AKT3: variants seen among roughly 807,000 people sequenced by gnomAD.
AKT3 encodes AKT serine/threonine kinase 3.
AKT3 carries 15 observed loss-of-function variants against 65.3 expected under a neutral mutation model. The observed-to-expected ratio is 0.23, with a 90% CI of 0.15 to 0.35. The LOEUF (loss-of-function observed/expected upper bound fraction) is 0.35. Ranked by LOEUF, AKT3 falls within the 10% of genes least tolerant of loss-of-function variation. The pLI, the probability that AKT3 is intolerant of heterozygous loss-of-function variation, is 1.00. For missense variants in AKT3, 243 were observed against 576.5 expected, an observed-to-expected ratio of 0.42 and a Z score of 5.92; for synonymous variants, 206 against 183.8, an observed-to-expected ratio of 1.12 and a Z score of -0.98.
At chr1:243,841,044 TGTTA>T (rs1695209837) in intron 2 of AKT3, among the ~76,000 whole-genome samples, 1 of 152,154 alleles carries the variant, frequency 6.6e-6, no homozygotes, top group Admixed American at 6.5e-5. Context: ...TACCTTTGTG[TGTTA>T]TTCAAATTTT....
intron 12 of AKT3, among the ~76,000 whole-genome samples, chr1:243,516,691 C>T (rs2148375202): frequency 6.6e-6 from 1 of 151,984 alleles, no homozygotes; most frequent in Middle Eastern, 3.4e-3. Context: ...AGCAATCCTC[C>T]TGCCTCAGCC....
At chr1:243,564,788 A>G (rs868237195) in intron 9 of AKT3, among the ~76,000 whole-genome samples, 1 of 152,190 alleles carries the variant, frequency 6.6e-6, no homozygotes, top group Non-Finnish European at 1.5e-5. Flanking sequence ...TGTCATACTG[A>G]AAAAATATAC....
At chr1:243,764,278 G>C (rs1689676508) in intron 2 of AKT3, among the ~76,000 whole-genome samples, 1 of 151,826 alleles carries the variant, frequency 6.6e-6, no homozygotes, top group Non-Finnish European at 1.5e-5. Flanking sequence ...TTAATATTCA[G>C]AAACTGAAAT....
intron 4 of AKT3, among the ~76,000 whole-genome samples, chr1:243,652,181 A>G (rs534761239): frequency 1.3e-5 from 2 of 151,754 alleles, no homozygotes; most frequent in African/African-American, 2.4e-5. Context: ...CCAAGTAGCT[A>G]GGAGTACAGG....
intron 2 of AKT3, among the ~76,000 whole-genome samples, chr1:243,721,376 C>A (rs576219930): frequency 6.6e-6 from 1 of 152,140 alleles, no homozygotes; most frequent in African/African-American, 2.4e-5. Context: ...AATATTAGAT[C>A]ATAACCTTTT....
chr1:243,548,904 T>C (rs1038299311), intron 11 of AKT3, among the ~76,000 whole-genome samples: 7 of 152,218 alleles, frequency 4.6e-5, no homozygotes, highest in Admixed American at 1.3e-4. Context: ...CCAGTAGTAT[T>C]TAAAATAGCT....
intron 3 of AKT3, among the ~76,000 whole-genome samples, chr1:243,672,768 C>T (rs1357925931): frequency 6.6e-6 from 1 of 152,120 alleles, no homozygotes; most frequent in Non-Finnish European, 1.5e-5. Flanking sequence ...TACCATTTAC[C>T]AAAAGCACAC....
At chr1:243,595,647 C>A (rs892426591) in intron 8 of AKT3, among the ~76,000 whole-genome samples, 2 of 151,916 alleles carry the variant, frequency 1.3e-5, no homozygotes, top group Non-Finnish European at 1.5e-5. Flanking sequence ...AATGAAAACA[C>A]AGCATATACG....
At chr1:243,611,626 G>T (rs1677876627) in intron 8 of AKT3, among the ~76,000 whole-genome samples, 1 of 151,974 alleles carries the variant, frequency 6.6e-6, no homozygotes, top group South Asian at 2.1e-4. Context: ...GGAAGTTGCA[G>T]TGAGCAGAGA....
At chr1:243,505,457 T>A (rs889143689) in intron 13 of AKT3, 123 bp from the exon 14 acceptor site, 5 of 726,574 alleles carry the variant, frequency 6.9e-6, no homozygotes, top group Non-Finnish European at 1.2e-5. Context: ...CCCATAAACT[T>A]GTGTTCATCA....
chr1:243,499,154 C>T (rs3006935), downstream of AKT3, among the ~76,000 whole-genome samples: 6,944 of 152,302 alleles, frequency 0.046, 547 homozygotes, highest in African/African-American at 0.16. Context: ...CCAACCTGAT[C>T]TGCATGAAGC....
At chr1:243,847,304 C>G (rs1160806027) in intron 1 of AKT3, among the ~76,000 whole-genome samples, 1 of 152,120 alleles carries the variant, frequency 6.6e-6, no homozygotes, top group African/African-American at 2.4e-5. Flanking sequence ...CACTTCAAAA[C>G]TTAATCACAC....
At chr1:243,781,504 G>C (rs897907040) in intron 2 of AKT3, among the ~76,000 whole-genome samples, 5 of 151,884 alleles carry the variant, frequency 3.3e-5, no homozygotes, top group Non-Finnish European at 7.4e-5. Flanking sequence ...TTTTCTTAAT[G>C]ATTTATAGAA....
intron 8 of AKT3, among the ~76,000 whole-genome samples, chr1:243,587,376 C>A (rs1206132718): frequency 6.6e-6 from 1 of 152,072 alleles, no homozygotes; most frequent in Non-Finnish European, 1.5e-5. Flanking sequence ...TTTGGGAGGC[C>A]GAGACTGGCA....
chr1:243,806,492 C>G (rs979827471), intron 2 of AKT3, among the ~76,000 whole-genome samples: 1 of 152,176 alleles, frequency 6.6e-6, no homozygotes, highest in African/African-American at 2.4e-5. Context: ...CATTAACTGA[C>G]TACACCAGTC....
intron 12 of AKT3, among the ~76,000 whole-genome samples, chr1:243,520,662 A>G (rs1024734573): frequency 6.6e-6 from 1 of 152,254 alleles, no homozygotes; most frequent in Admixed American, 6.5e-5. Flanking sequence ...CAAATGCACT[A>G]AACTTGAAAC....
intron 2 of AKT3, among the ~76,000 whole-genome samples, chr1:243,746,837 A>G (rs1688498299): frequency 1.3e-5 from 2 of 152,074 alleles, no homozygotes; most frequent in South Asian, 4.2e-4. Flanking sequence ...GAGACATCAG[A>G]AATTTTCAGC....
chr1:243,700,138 T>C (rs754052440), intron 2 of AKT3, among the ~76,000 whole-genome samples: 2 of 152,202 alleles, frequency 1.3e-5, no homozygotes, highest in Non-Finnish European at 2.9e-5. Context: ...CTATGACCAA[T>C]GGCTTGCTAA....
chr1:243,744,500 G>A (rs1303445085), intron 2 of AKT3, among the ~76,000 whole-genome samples: 2 of 152,070 alleles, frequency 1.3e-5, no homozygotes, highest in East Asian at 3.9e-4. Context: ...AGCACTTTGG[G>A]AGGCCGAGGC....
Sources: allele counts gnomAD v4.1 joint callset (sites outside exome capture counted in the v4.1 genomes callset), GRCh38; gene constraint gnomAD v4.1.1; transcripts MANE v1.5; gene names NCBI Gene and HGNC (gene_info 2026-07-23, HGNC 2026-07-21).